Variants in MYO3B observed in about 807,000 individuals in gnomAD.
The protein encoded by MYO3B is myosin IIIB, also known as myosin-IIIb.
A neutral mutation model predicts 174.6 loss-of-function variants in MYO3B; 156 were observed. The ratio of observed to expected loss-of-function variants is 0.89; its 90% CI spans 0.78 to 1.02. MYO3B has a LOEUF of 1.02. MYO3B is among the 50% of genes least tolerant of loss of function. The pLI, the probability that MYO3B is intolerant of heterozygous loss-of-function variation, is 0.00. For synonymous variants in MYO3B, 563 were observed against 569.1 expected (o/e 0.99, Z 0.15); for missense variants, 1,632 against 1,639.4 (o/e 1.00, Z 0.08).
chr2:170,338,515 A>G (rs1173286757), intron 8 of MYO3B, among the ~76,000 whole-genome samples: 4 of 152,158 alleles, frequency 2.6e-5, no homozygotes, highest in Admixed American at 2.6e-4. Flanking sequence ...TATTTTTGGG[A>G]ATATTTCTCA....
rs1340011269 is a variant in MYO3B at position 170,184,672 on chromosome 2, A to G, written c.2+6383A>G. 2.0e-5 allele frequency among the ~76,000 whole-genome samples: 3 copies of G among 152,176 alleles called. No individual in the cohort carries two copies. In the East Asian group the frequency reaches 5.8e-4, roughly 29 times the overall value. Reference sequence around the variant, plus strand: ...ATGGGAGTGCAGATAGTTCTTCAATATACTGATAACATTTCCTTTGGGGTG... The same window carrying G: ...ATGGGAGTGCAGATAGTTCTTCAATGTACTGATAACATTTCCTTTGGGGTG... On this transcript the variant is annotated intron_variant, in intron 1 of 34. Coordinates refer to ENST00000408978, the MANE Select transcript of MYO3B (RefSeq NM_138995.5).
intron 25 of MYO3B, among the ~76,000 whole-genome samples, chr2:170,467,072 C>A (rs1209101506): frequency 6.6e-6 from 1 of 152,152 alleles, no homozygotes; most frequent in Non-Finnish European, 1.5e-5. Flanking sequence ...CAGGTTCTGG[C>A]ATGATATAAT....
chr2:170,347,333 G>A (rs947005268), intron 8 of MYO3B, among the ~76,000 whole-genome samples: 2 of 152,082 alleles, frequency 1.3e-5, no homozygotes, highest in Non-Finnish European at 2.9e-5. Flanking sequence ...GGCCAGGTGT[G>A]GATCACATCT....
intron 8 of MYO3B, among the ~76,000 whole-genome samples, chr2:170,363,189 G>A (rs1158033244): frequency 6.6e-6 from 1 of 151,936 alleles, no homozygotes; most frequent in African/African-American, 2.4e-5. Context: ...ATAGCAGGAA[G>A]TATAAAAGAC....
At chr2:170,198,222 C>T (rs2092622038) in intron 1 of MYO3B, among the ~76,000 whole-genome samples, 1 of 151,406 alleles carries the variant, frequency 6.6e-6, no homozygotes, top group African/African-American at 2.4e-5. Context: ...CCACTTTACA[C>T]TATTCTTCAT....
At chr2:170,563,119 TACACAC>T (rs56807707) in intron 32 of MYO3B, among the ~76,000 whole-genome samples, 16,392 of 110,360 alleles carry the variant, frequency 0.15, 1,558 homozygotes, top group African/African-American at 0.3. Flanking sequence ...CTCTCACACA[TACACAC>T]ACACACACAC....
intron 22 of MYO3B, chr2:170,411,577 A>C (rs984288171): frequency 2.0e-5 from 3 of 152,248 alleles, no homozygotes; most frequent in Non-Finnish European, 4.4e-5. Flanking sequence ...TACATGGCGC[A>C]TGACACTACT....
At chr2:170,519,358 G>T (rs1056882595) in intron 29 of MYO3B, 80 bp from the exon 30 acceptor site, 97 of 1,065,972 alleles carry the variant, frequency 9.1e-5, no homozygotes, top group Non-Finnish European at 1.2e-4. Flanking sequence ...GAGAAGGGCT[G>T]CAGAGAGTGT....
intron 7 of MYO3B, among the ~76,000 whole-genome samples, chr2:170,300,590 T>C (rs1262829350): frequency 6.6e-6 from 1 of 152,166 alleles, no homozygotes; most frequent in Non-Finnish European, 1.5e-5. Context: ...CTTAGTATTA[T>C]AGATACAAGG....
At chr2:170,261,849 T>C (rs746486337) in intron 7 of MYO3B, among the ~76,000 whole-genome samples, 5 of 152,338 alleles carry the variant, frequency 3.3e-5, no homozygotes, top group Middle Eastern at 3.4e-3. Flanking sequence ...AGTTCAAATA[T>C]ATAAATGTTC....
intron 17 of MYO3B, among the ~76,000 whole-genome samples, chr2:170,401,220 T>C (rs1268682061): frequency 1.1e-4 from 17 of 152,312 alleles, no homozygotes; most frequent in Non-Finnish European, 1.5e-5. Context: ...TCTGCACCTA[T>C]TTCCCCAATT....
intron 22 of MYO3B, among the ~76,000 whole-genome samples, chr2:170,436,282 TA>T (rs1409289153): frequency 6.6e-6 from 1 of 152,228 alleles, no homozygotes; most frequent in African/African-American, 2.4e-5. Flanking sequence ...TGAGGATGCT[TA>T]ACATTTGAAA....
intron 8 of MYO3B, among the ~76,000 whole-genome samples, chr2:170,367,277 T>C (rs1474698475): frequency 6.6e-6 from 1 of 152,166 alleles, no homozygotes; most frequent in East Asian, 1.9e-4. Flanking sequence ...GGGTGACGGA[T>C]GGGTGGGATG....
intron 32 of MYO3B, among the ~76,000 whole-genome samples, chr2:170,611,397 A>T (rs986445060): frequency 2.0e-5 from 3 of 152,320 alleles, no homozygotes; most frequent in Admixed American, 2.0e-4. Flanking sequence ...GGCAAAATAG[A>T]ATCCCCAAAG....
chr2:170,193,917 GTTTAA>G (rs137949025), intron 1 of MYO3B, among the ~76,000 whole-genome samples: 6 of 152,158 alleles, frequency 3.9e-5, no homozygotes, highest in African/African-American at 4.8e-5. Flanking sequence ...TTATTTTTCT[GTTTAA>G]TTTGATTATT....
intron 1 of MYO3B, among the ~76,000 whole-genome samples, chr2:170,183,738 A>T (rs900369472): frequency 1.3e-5 from 2 of 152,058 alleles, no homozygotes; most frequent in African/African-American, 4.8e-5. Flanking sequence ...TTTGTGAGAG[A>T]TACTTGTCTT....
At chr2:170,436,641 C>A (rs2094756435) in intron 22 of MYO3B, among the ~76,000 whole-genome samples, 1 of 152,172 alleles carries the variant, frequency 6.6e-6, no homozygotes, top group Non-Finnish European at 1.5e-5. Context: ...TCATTAACAA[C>A]TTTTTATTTT....
chr2:170,338,977 G>A (rs1281530105), intron 8 of MYO3B, among the ~76,000 whole-genome samples: 1 of 152,186 alleles, frequency 6.6e-6, no homozygotes, highest in Non-Finnish European at 1.5e-5. Flanking sequence ...ATCAAATGCA[G>A]TTTGACCAAA....
chr2:170,467,342 T>A (rs1684707667), intron 25 of MYO3B, among the ~76,000 whole-genome samples: 1 of 152,180 alleles, frequency 6.6e-6, no homozygotes, highest in South Asian at 2.1e-4. Context: ...CATGCATGCT[T>A]TTAATCTCTT....
Sources: gnomAD v4.1 joint callset for allele counts (sites outside exome capture counted in the v4.1 genomes callset) on GRCh38, gnomAD v4.1.1 for gene constraint, MANE v1.5 for transcripts, NCBI Gene and HGNC (gene_info 2026-07-23, HGNC 2026-07-21) for gene names.